PIGN: variants seen among roughly 807,000 people sequenced by gnomAD.
PIGN encodes the protein GPI ethanolamine phosphate transferase 1.
Under a neutral mutation model 125.4 loss-of-function variants are expected in PIGN, and 117 were observed. That is an observed-to-expected ratio of 0.93 (90% CI 0.80 to 1.09). PIGN has a LOEUF of 1.09. Ranked by LOEUF, PIGN falls within the 50% of genes least tolerant of loss-of-function variation. The probability of loss-of-function intolerance (pLI) is 0.00; values close to 1 mark genes in which losing one functional copy is unlikely to be tolerated. For missense variants in PIGN, 1,075 were observed against 1,094.9 expected (o/e 0.98, Z 0.26); for synonymous variants, 392 against 377.8 (o/e 1.04, Z -0.44).
chr18:62,157,770 T>A lies in PIGN; in HGVS notation c.260A>T (p.His87Leu). The change falls in exon 5 of 31, where the codon CAT becomes CTT. Residue 87 changes from histidine to leucine, a missense_variant. Coordinates refer to ENST00000640252, the MANE Select transcript of PIGN (RefSeq NM_176787.5). ...IMHEGSWGIS[H>L]TRVPTESRPG... Reference sequence around the variant, plus strand: ...CCGAGATTCTGTTGGCACACGTGTATGAGATATGCCCCAGCTGCCTTCATG... The same window carrying A: ...CCGAGATTCTGTTGGCACACGTGTAAGAGATATGCCCCAGCTGCCTTCATG... 1 of 1,597,730 alleles carries A rather than the reference T, an allele frequency of 6.3e-7. No individual in the cohort carries two copies. The highest frequency in any genetic ancestry group is 8.6e-7 in the Non-Finnish European group (1 of 1,166,058).
At chr18:62,107,190 AG>A (rs1393969885) in intron 17 of PIGN, 105 bp from the exon 18 acceptor site, 2 of 730,902 alleles carry the variant, frequency 2.7e-6, no homozygotes, top group Non-Finnish European at 4.7e-6. Context: ...TTCCATTTAT[AG>A]ATTATTCAAA....
intron 6 of PIGN, 53 bp downstream of exon 6, chr18:62,157,076 T>C (rs1426950187): frequency 2.6e-6 from 2 of 773,982 alleles, no homozygotes; most frequent in African/African-American, 1.8e-5. Context: ...AAAACTACCA[T>C]ATTGACTTAC....
rs148088644 is a variant in PIGN, at chr18:62,125,608, C to A, written c.1173-10969G>T. Among the ~76,000 whole-genome samples the A allele has an allele frequency of 1.8e-3, 274 of 152,020 alleles. 2 individuals are homozygous for A. Among genetic ancestry groups the A allele is most frequent in the African/African-American group, 6.3e-3 (260 of 41,510 alleles). On this transcript the variant is annotated intron_variant, in intron 14 of 30. Transcript: ENST00000640252. ...TTCTTTACAGTGTGGAATTTACTCTCCAAAAGAGTGATTATATACGTGTAT... is the reference window on the plus strand; with the variant it reads ...TTCTTTACAGTGTGGAATTTACTCTACAAAAGAGTGATTATATACGTGTAT...
intron 7 of PIGN, among the ~76,000 whole-genome samples, 191 bp from the exon 8 acceptor site, chr18:62,148,529 A>T (rs146739179): frequency 9.9e-5 from 15 of 152,254 alleles, no homozygotes; most frequent in African/African-American, 3.6e-4. Context: ...ATAATGAGTT[A>T]GCTGTTTTCT....
chr18:62,090,534 A>G lies in PIGN; in HGVS notation c.2225T>C (p.Val742Ala). The G allele has an allele frequency of 6.2e-7, 1 of 1,611,640 alleles. No individual in the cohort carries two copies. Among genetic ancestry groups the G allele is most frequent in the Non-Finnish European group, 8.5e-7 (1 of 1,178,514 alleles). ...FPLVLSCLMF[V>A]WINIEQETLQ... The stretch of plus-strand genomic sequence containing the variant: ...AGTTTCTTGTTCTATGTTTATCCAG[A>G]CAAACATCAAACAAGACAACACTAG... The change falls in exon 24 of 31, where the codon GTC (valine) becomes GCC (alanine). Residue 742 changes from valine (V) to alanine (A), a missense_variant. This residue lies in a region of PIGN where 915 missense variants were observed against 908.7 expected (regional missense o/e 1.01). Coordinates refer to ENST00000640252, the MANE Select transcript of PIGN (RefSeq NM_176787.5).
At chr18:62,142,575 C>A (rs768125150) in intron 11 of PIGN, among the ~76,000 whole-genome samples, 4 of 152,134 alleles carry the variant, frequency 2.6e-5, no homozygotes, top group Non-Finnish European at 5.9e-5. Flanking sequence ...TTTCTACAAC[C>A]ACAGGCCTGA....
At chr18:62,157,019 A>T in intron 6 of PIGN, 110 bp downstream of exon 6, 1 of 536,530 alleles carries the variant, frequency 1.9e-6, no homozygotes, top group Non-Finnish European at 3.3e-6. Context: ...TTAAAAATGT[A>T]AAAATATGTG....
At chr18:62,121,349 T>A (rs1363074164) in intron 14 of PIGN, among the ~76,000 whole-genome samples, 1 of 152,152 alleles carries the variant, frequency 6.6e-6, no homozygotes, top group African/African-American at 2.4e-5. Flanking sequence ...GGTAAAAAAA[T>A]TCCCATTCTA....
chr18:62,174,444 TG>T (rs1278650678), intron 1 of PIGN: 5 of 152,148 alleles, frequency 3.3e-5, no homozygotes, highest in African/African-American at 4.8e-5. Flanking sequence ...TATGAAGAAA[TG>T]GCATATTATA....
chr18:62,186,754 G>C (rs1156537279), intron 1 of PIGN, 90 bp downstream of exon 1: 1 of 152,308 alleles, frequency 6.6e-6, no homozygotes, highest in African/African-American at 2.4e-5. Flanking sequence ...GCGAGAAAAA[G>C]TGCAGCGCAG....
chr18:62,118,489 CT>C (rs2035172815), intron 14 of PIGN: 1 of 152,112 alleles, frequency 6.6e-6, no homozygotes, highest in African/African-American at 2.4e-5. Context: ...CAAACTGTAA[CT>C]CTGAGGGAAT....
intron 4 of PIGN, among the ~76,000 whole-genome samples, chr18:62,158,670 T>A (rs2036828414): frequency 6.6e-6 from 1 of 152,210 alleles, no homozygotes; most frequent in African/African-American, 2.4e-5. Context: ...AATATCTGCC[T>A]CTCAATACAT....
intron 14 of PIGN, chr18:62,135,641 T>TTC (rs1237312810): frequency 7.1e-5 from 7 of 99,248 alleles, no homozygotes; most frequent in South Asian, 3.6e-4. Context: ...TTTTTTTTTT[T>TTC]CAGACAGGGT....
At chr18:62,166,482 T>C (rs2037136822) in intron 1 of PIGN, among the ~76,000 whole-genome samples, 2 of 152,220 alleles carry the variant, frequency 1.3e-5, no homozygotes, top group South Asian at 4.1e-4. Context: ...TCAACTATTG[T>C]GGAAGACAGT....
chr18:62,090,575 A>G lies in PIGN; in HGVS notation c.2184T>C (p.Tyr728=). The change falls in exon 24 of 31, where the codon TAT becomes TAC. Residue 728 remains tyrosine (Y), a synonymous_variant. Coordinates refer to ENST00000640252, the MANE Select transcript of PIGN (RefSeq NM_176787.5). The part of the protein sequence containing the change: ...MSTYLLLSTG[Y]EALFPLVLSC... ...ACAACACTAGTGGAAAGAGAGCTTC[A>G]TACCTAACAGGTGGGGAAAGGTAGA... 1 of 1,581,392 alleles carries G rather than the reference A, an allele frequency of 6.3e-7. No individual in the cohort carries two copies.
At chr18:62,058,249 T>C (rs1390822607) in intron 30 of PIGN, among the ~76,000 whole-genome samples, 3 of 152,268 alleles carry the variant, frequency 2.0e-5, no homozygotes, top group Non-Finnish European at 4.4e-5. Flanking sequence ...TTGTTTGTTG[T>C]GGAATGTTTA....
chr18:62,176,871 G>A (rs2037542703), intron 1 of PIGN, among the ~76,000 whole-genome samples: 1 of 151,970 alleles, frequency 6.6e-6, no homozygotes, highest in Non-Finnish European at 1.5e-5. Context: ...TACATAAGAT[G>A]TTTACATTAG....
chr18:62,050,613 G>A, intron 30 of PIGN, among the ~76,000 whole-genome samples: 1 of 151,598 alleles, frequency 6.6e-6, no homozygotes, highest in Non-Finnish European at 1.5e-5. Context: ...GAGACAGTGG[G>A]GTTTTCTAGA....
intron 23 of PIGN, among the ~76,000 whole-genome samples, chr18:62,030,171 A>G (rs1420364291): frequency 6.6e-6 from 1 of 152,256 alleles, no homozygotes; most frequent in East Asian, 1.9e-4. Context: ...TCAGGGGCTT[A>G]ACAAGTGAAA....
Sources: gnomAD v4.1 joint callset for allele counts (sites outside exome capture counted in the v4.1 genomes callset) on GRCh38, gnomAD v4.1.1 for gene constraint, gnomAD v4.1.1 regional missense constraint, MANE v1.5 for transcripts, NCBI Gene and HGNC (gene_info 2026-07-23, HGNC 2026-07-21) for gene names.